PARN: variants seen among roughly 807,000 people sequenced by gnomAD.
PARN encodes the protein poly(A)-specific ribonuclease.
In PARN, 71 loss-of-function variants were observed where a neutral mutation model predicts 102.8. The observed-to-expected ratio is 0.69, with a 90% CI of 0.57 to 0.84. The LOEUF is 0.84. Ranked by LOEUF, PARN falls within the 40% of genes least tolerant of loss-of-function variation. PARN has a pLI of 0.00. For synonymous variants in PARN, 261 were observed against 252.9 expected, an observed-to-expected ratio of 1.03 and a Z score of -0.30; for missense variants, 782 against 760.9, an observed-to-expected ratio of 1.03 and a Z score of -0.33.
intron 22 of PARN, among the ~76,000 whole-genome samples, chr16:14,451,010 G>T (rs1961420004): frequency 6.6e-6 from 1 of 152,120 alleles, no homozygotes; most frequent in African/African-American, 2.4e-5. Context: ...AATTTAAACT[G>T]CTTGGCACAG....
At chr16:14,489,745 A>T (rs564554124) in intron 21 of PARN, among the ~76,000 whole-genome samples, 31 of 152,330 alleles carry the variant, frequency 2.0e-4, no homozygotes, top group African/African-American at 7.5e-4. Flanking sequence ...GTGGGTGGGG[A>T]GAGTGTACTA....
rs1297092988 is a variant in PARN at position 14,610,824 on chromosome 16, A to T, written c.389-15T>A. On this transcript the variant is annotated splice_polypyrimidine_tract_variant and intron_variant, in intron 6 of 23. Transcript: ENST00000437198. ...ATATGGAATTCCTAAACACGATTTT[A>T]AAAAGAATGCATTAGCAGAAGTAAC... is the stretch of plus-strand genomic sequence containing the variant. The T allele has an allele frequency of 3.8e-6, 6 of 1,571,746 alleles. No homozygotes were observed. The highest frequency in any genetic ancestry group is 5.2e-6 in the Non-Finnish European group (6 of 1,142,860).
chr16:14,519,271 G>A (rs1965613991), intron 21 of PARN, among the ~76,000 whole-genome samples: 2 of 136,438 alleles, frequency 1.5e-5, no homozygotes, highest in South Asian at 5.3e-4. Flanking sequence ...ATGGAGGGGA[G>A]GGGAGAGGAG....
chr16:14,623,894 C>T (rs186082335), intron 5 of PARN, among the ~76,000 whole-genome samples: 1 of 151,888 alleles, frequency 6.6e-6, no homozygotes, highest in East Asian at 1.9e-4. Context: ...AGTTATGCTT[C>T]AATTTTTCAC....
chr16:14,482,391 C>CAAAA (rs540805562), intron 22 of PARN, among the ~76,000 whole-genome samples: 1 of 132,006 alleles, frequency 7.6e-6, no homozygotes. Flanking sequence ...GACCCTGTCT[C>CAAAA]AAAAAAAAAA....
intron 12 of PARN, among the ~76,000 whole-genome samples, chr16:14,596,507 C>T (rs976116743): frequency 1.3e-5 from 2 of 151,624 alleles, no homozygotes; most frequent in Non-Finnish European, 1.5e-5. Context: ...GGCTGAGGCG[C>T]GGGAGACTGC....
chr16:14,569,586 T>C (rs1968662592), intron 18 of PARN, among the ~76,000 whole-genome samples: 1 of 152,234 alleles, frequency 6.6e-6, no homozygotes, highest in African/African-American at 2.4e-5. Context: ...TTAAAGTTTA[T>C]GTGCCCAAGG....
chr16:14,609,013 A>G (rs753318302), intron 8 of PARN, 45 bp downstream of exon 8: 1 of 1,094,760 alleles, frequency 9.1e-7, no homozygotes, highest in Admixed American at 2.0e-5. Flanking sequence ...CAAACCATCT[A>G]CCTTTCCAAA....
intron 22 of PARN, among the ~76,000 whole-genome samples, chr16:14,461,122 G>C (rs1961942120): frequency 6.6e-6 from 1 of 152,156 alleles, no homozygotes. Flanking sequence ...CAAGTTGGAG[G>C]ACATTCCATA....
chr16:14,455,254 G>T (rs1034792971), intron 22 of PARN, among the ~76,000 whole-genome samples: 2 of 152,170 alleles, frequency 1.3e-5, no homozygotes, highest in Non-Finnish European at 2.9e-5. Context: ...CTGCAGTTAG[G>T]ATTTAGACTA....
At chr16:14,451,815 C>T (rs984326119) in intron 22 of PARN, among the ~76,000 whole-genome samples, 1 of 124,046 alleles carries the variant, frequency 8.1e-6, no homozygotes, top group African/African-American at 3.0e-5. Flanking sequence ...TCAAGAACAG[C>T]CTGGGCAATG....
chr16:14,441,096 C>T (rs760083417), intron 23 of PARN, among the ~76,000 whole-genome samples: 32 of 152,062 alleles, frequency 2.1e-4, no homozygotes, highest in Non-Finnish European at 4.0e-4. Flanking sequence ...AAATACTATG[C>T]TTATAGTTAA....
intron 5 of PARN, among the ~76,000 whole-genome samples, chr16:14,617,968 A>C (rs1336103957): frequency 6.6e-6 from 1 of 152,066 alleles, no homozygotes; most frequent in Non-Finnish European, 1.5e-5. Context: ...CGGCCTCCCA[A>C]AGTGCTGGGA....
rs536242053 is a variant in PARN, at chr16:14,535,408, A to G, written c.1480+16613T>C. Among the ~76,000 whole-genome samples the G allele has an allele frequency of 6.6e-5, 10 of 152,366 alleles. No homozygotes were observed. In the South Asian group the frequency reaches 1.0e-3, roughly 16 times the overall value. ...TATATAAATTACATCTTTTCTAAGA[A>G]AAGACAAGTTGTACAAATACTCAAC... On this transcript the variant is annotated intron_variant, in intron 21 of 23. Coordinates refer to ENST00000437198, the MANE Select transcript of PARN (RefSeq NM_002582.4).
At chr16:14,482,363 G>A (rs939853341) in intron 22 of PARN, among the ~76,000 whole-genome samples, 1 of 151,816 alleles carries the variant, frequency 6.6e-6, no homozygotes, top group Non-Finnish European at 1.5e-5. Context: ...CTGCACTCCA[G>A]CCTGGGCAAC....
chr16:14,459,408 A>G (rs1961845547), intron 22 of PARN, among the ~76,000 whole-genome samples: 2 of 152,260 alleles, frequency 1.3e-5, no homozygotes, highest in African/African-American at 4.8e-5. Context: ...CTTTAAAAAT[A>G]TATGACTTAC....
intron 18 of PARN, among the ~76,000 whole-genome samples, chr16:14,578,331 CAAAAAAAA>C (rs1199897215): frequency 7.8e-4 from 35 of 44,964 alleles, no homozygotes; most frequent in South Asian, 1.6e-3. Flanking sequence ...TCTGTCTCAC[CAAAAAAAA>C]AAAAAAAAAA....
intron 5 of PARN, among the ~76,000 whole-genome samples, chr16:14,619,665 G>A (rs1165722102): frequency 1.3e-5 from 2 of 152,026 alleles, no homozygotes; most frequent in Non-Finnish European, 2.9e-5. Context: ...ACAGGCTGAG[G>A]TGGGAGAATC....
chr16:14,533,370 C>A (rs889749743), intron 21 of PARN, among the ~76,000 whole-genome samples: 4 of 146,022 alleles, frequency 2.7e-5, no homozygotes, highest in Non-Finnish European at 6.0e-5. Flanking sequence ...AGTCCAGCTT[C>A]GGCTTGGCAT....
Sources: allele counts gnomAD v4.1 joint callset (sites outside exome capture counted in the v4.1 genomes callset), GRCh38; gene constraint gnomAD v4.1.1; transcripts MANE v1.5; gene names NCBI Gene and HGNC (gene_info 2026-07-23, HGNC 2026-07-21).